The following FGF14 variants were observed in gnomAD, a reference collection of about 807,000 sequenced individuals.
The protein encoded by FGF14 is fibroblast growth factor homologous factor 4.
A neutral mutation model predicts 25.5 loss-of-function variants in FGF14; 5 were observed. That is an observed-to-expected ratio of 0.20 (90% CI 0.10 to 0.41). FGF14 has a LOEUF of 0.41. FGF14 is among the 10% of genes least tolerant of loss of function. The pLI, the probability that FGF14 is intolerant of heterozygous loss-of-function variation, is 1.00. For missense variants in FGF14, 222 were observed against 320.1 expected (o/e 0.69, Z 2.34); for synonymous variants, 138 against 118.3 (o/e 1.17, Z -1.08).
At position 102,087,415 on chromosome 13, in the gene FGF14, T is replaced by C. The variant is rs909858048; in HGVS notation, c.209-212119A>G. Among the ~76,000 whole-genome samples, 44 of 133,738 alleles carry C rather than the reference T, an allele frequency of 3.3e-4. 1 individual carries two copies. The highest frequency in any genetic ancestry group is 1.2e-3 in the African/African-American group (42 of 35,132). 87.7% of individuals were successfully genotyped at this position (133,738 alleles called of 152,430 possible). ...AAAATAGACTGTAATTTCTTTTTTTTTTTTTTTTTTTTTTGAGACAGATTC... is the reference window on the plus strand; with the variant it reads ...AAAATAGACTGTAATTTCTTTTTTTCTTTTTTTTTTTTTTGAGACAGATTC... On this transcript the variant is annotated intron_variant, in intron 1 of 4. Coordinates refer to the FGF14 transcript ENST00000376131.
intron 1 of FGF14, among the ~76,000 whole-genome samples, chr13:102,277,683 T>G (rs1305383041): frequency 6.6e-6 from 1 of 152,228 alleles, no homozygotes; most frequent in East Asian, 1.9e-4. Context: ...TTACCAGATC[T>G]TCTTGAGAAA....
At chr13:101,993,209 CACAA>C (rs2038999697) in intron 1 of FGF14, among the ~76,000 whole-genome samples, 1 of 147,082 alleles carries the variant, frequency 6.8e-6, no homozygotes, top group Non-Finnish European at 1.5e-5. Context: ...AAAAAACCCA[CACAA>C]ACAAAAACAA....
intron 1 of FGF14, among the ~76,000 whole-genome samples, chr13:102,145,591 T>C (rs913757728): frequency 1.3e-5 from 2 of 152,214 alleles, no homozygotes; most frequent in Non-Finnish European, 2.9e-5. Context: ...ATATGCACTT[T>C]CCTTCAGTGT....
intron 1 of FGF14, among the ~76,000 whole-genome samples, chr13:101,972,691 G>A (rs990848049): frequency 1.3e-5 from 2 of 151,358 alleles, no homozygotes; most frequent in Non-Finnish European, 2.9e-5. Flanking sequence ...CCCTTTTTGT[G>A]GAGAAAGGGG....
At chr13:101,767,621 G>T (rs2038491931) in intron 3 of FGF14, among the ~76,000 whole-genome samples, 1 of 152,170 alleles carries the variant, frequency 6.6e-6, no homozygotes, top group African/African-American at 2.4e-5. Flanking sequence ...TAAGATACTG[G>T]AATGTAACCT....
intron 1 of FGF14, among the ~76,000 whole-genome samples, chr13:102,132,715 T>C (rs899915876): frequency 1.2e-4 from 19 of 152,192 alleles, no homozygotes; most frequent in African/African-American, 4.1e-4. Context: ...GAGACAAGGT[T>C]TCACCATGTT....
At chr13:102,009,591 T>C (rs922414572) in intron 1 of FGF14, among the ~76,000 whole-genome samples, 2 of 152,146 alleles carry the variant, frequency 1.3e-5, no homozygotes, top group African/African-American at 2.4e-5. Context: ...CTTCAAAAAG[T>C]CTACACCAAT....
intron 1 of FGF14, among the ~76,000 whole-genome samples, chr13:102,109,922 T>C (rs774068037): frequency 6.6e-6 from 1 of 152,150 alleles, no homozygotes; most frequent in African/African-American, 2.4e-5. Context: ...AGCCAGATGG[T>C]AAGTATTCTT....
intron 1 of FGF14, among the ~76,000 whole-genome samples, chr13:101,961,200 A>T (rs1375628061): frequency 6.6e-6 from 1 of 152,102 alleles, no homozygotes; most frequent in Non-Finnish European, 1.5e-5. Context: ...ACTAGATCCC[A>T]TGTGTCAATT....
chr13:102,119,103 C>T (rs114685417), intron 1 of FGF14, among the ~76,000 whole-genome samples: 1,833 of 152,210 alleles, frequency 0.012, 37 homozygotes, highest in African/African-American at 0.042. Context: ...ATAATAGTGA[C>T]CTCATGGGCC....
chr13:102,341,226 G>T (rs1040795924), intron 1 of FGF14, among the ~76,000 whole-genome samples: 2 of 152,172 alleles, frequency 1.3e-5, no homozygotes, highest in African/African-American at 4.8e-5. Flanking sequence ...TAGCTTTACA[G>T]AGTAGAGAAA....
chr13:102,136,211 T>A (rs1006445136), intron 1 of FGF14, among the ~76,000 whole-genome samples: 1 of 152,140 alleles, frequency 6.6e-6, no homozygotes, highest in Non-Finnish European at 1.5e-5. Flanking sequence ...ATAGTTGATA[T>A]TTATCGTGAA....
intron 1 of FGF14, among the ~76,000 whole-genome samples, chr13:102,104,929 G>A (rs1433014395): frequency 1.3e-5 from 2 of 152,160 alleles, no homozygotes; most frequent in African/African-American, 4.8e-5. Context: ...GGGGTATTTA[G>A]AGATTAAATT....
At chr13:102,387,057 C>G (rs959388908) in intron 1 of FGF14, among the ~76,000 whole-genome samples, 1 of 152,144 alleles carries the variant, frequency 6.6e-6, no homozygotes, top group Admixed American at 6.5e-5. Context: ...CTATAAATAC[C>G]AGTCTTATAA....
chr13:102,334,151 C>T (rs75876538), intron 1 of FGF14, among the ~76,000 whole-genome samples: 3,790 of 152,256 alleles, frequency 0.025, 68 homozygotes, highest in Middle Eastern at 0.15. Flanking sequence ...CTGAGTAGCC[C>T]ACCCATTTAT....
intron 1 of FGF14, among the ~76,000 whole-genome samples, chr13:101,888,986 C>T (rs1455108401): frequency 1.3e-5 from 2 of 152,078 alleles, no homozygotes; most frequent in African/African-American, 2.4e-5. Context: ...TCCAATAGGT[C>T]TGGTATCCTT....
At chr13:102,146,842 G>A (rs906448384) in intron 1 of FGF14, among the ~76,000 whole-genome samples, 2 of 152,092 alleles carry the variant, frequency 1.3e-5, no homozygotes, top group South Asian at 4.1e-4. Flanking sequence ...TAATGAGAAC[G>A]AATTGTATGA....
intron 1 of FGF14, among the ~76,000 whole-genome samples, chr13:102,264,659 T>C (rs1396124334): frequency 6.6e-6 from 1 of 152,216 alleles, no homozygotes; most frequent in East Asian, 1.9e-4. Context: ...AGTAACACTA[T>C]CTGGGAGCTA....
chr13:102,277,382 G>C (rs970606202), intron 1 of FGF14, among the ~76,000 whole-genome samples: 1 of 152,204 alleles, frequency 6.6e-6, no homozygotes, highest in Non-Finnish European at 1.5e-5. Context: ...AGCTATCTCT[G>C]GGAAGTGTGC....
Sources: allele counts gnomAD v4.1 joint callset (sites outside exome capture counted in the v4.1 genomes callset), GRCh38; gene constraint gnomAD v4.1.1; transcripts MANE v1.5; gene names NCBI Gene and HGNC (gene_info 2026-07-23, HGNC 2026-07-21).